ACAD11: variants seen among roughly 807,000 people sequenced by gnomAD.
ACAD11 encodes the protein acyl-CoA dehydrogenase family member 11.
Under a neutral mutation model 102.2 loss-of-function variants are expected in ACAD11, and 83 were observed. The observed-to-expected ratio is 0.81, with a 90% CI of 0.68 to 0.97. ACAD11 has a LOEUF of 0.97. ACAD11 is among the 50% of genes least tolerant of loss of function. ACAD11 has a pLI of 0.00. For synonymous variants in ACAD11, 324 were observed against 319.8 expected (o/e 1.01, Z -0.14); for missense variants, 901 against 951.7 (o/e 0.95, Z 0.70).
At chr3:132,573,632 T>C (rs1035875940) in intron 17 of ACAD11, among the ~76,000 whole-genome samples, 5 of 152,302 alleles carry the variant, frequency 3.3e-5, no homozygotes, top group African/African-American at 4.8e-5. Flanking sequence ...TAAATATTTT[T>C]TGATGGCTGT....
intron 9 of ACAD11, among the ~76,000 whole-genome samples, chr3:132,623,892 T>C (rs1939700142): frequency 6.6e-6 from 1 of 152,304 alleles, no homozygotes; most frequent in East Asian, 1.9e-4. Flanking sequence ...TTGCAAGTAC[T>C]AGCATGCTAT....
At chr3:132,620,580 A>C (rs989649081) in intron 9 of ACAD11, among the ~76,000 whole-genome samples, 1 of 152,226 alleles carries the variant, frequency 6.6e-6, no homozygotes, top group Non-Finnish European at 1.5e-5. Flanking sequence ...CTATAAATAG[A>C]GTAATGATCA....
chr3:132,610,867 A>G (rs911311881), intron 11 of ACAD11, among the ~76,000 whole-genome samples: 3 of 152,190 alleles, frequency 2.0e-5, no homozygotes, highest in Non-Finnish European at 4.4e-5. Context: ...TCCCTAACTC[A>G]TTTTATGAGG....
chr3:132,570,310 A>G (rs1278696750), intron 17 of ACAD11, among the ~76,000 whole-genome samples: 3 of 152,146 alleles, frequency 2.0e-5, no homozygotes, highest in Non-Finnish European at 2.9e-5. Flanking sequence ...GGTTACTGTT[A>G]AGCTAAACAC....
intron 17 of ACAD11, among the ~76,000 whole-genome samples, chr3:132,562,130 A>C (rs1485858148): frequency 6.6e-6 from 1 of 152,190 alleles, no homozygotes; most frequent in Admixed American, 6.6e-5. Flanking sequence ...TTTTTGAGAC[A>C]GACTGGCTCT....
At chr3:132,578,946 C>T (rs1437455931) in intron 14 of ACAD11, 65 bp from the exon 15 acceptor site, 11 of 1,600,428 alleles carry the variant, frequency 6.9e-6, no homozygotes, top group Non-Finnish European at 9.4e-6. Context: ...AGATAATAAG[C>T]AGAATCACAA....
chr3:132,600,806 A>G (rs1241380436), intron 13 of ACAD11: 13 of 1,614,048 alleles, frequency 8.1e-6, no homozygotes, highest in Admixed American at 1.7e-5. Context: ...CAGCATAGAC[A>G]GATATGTGGC....
intron 11 of ACAD11, among the ~76,000 whole-genome samples, chr3:132,609,498 A>G (rs1320204580): frequency 1.3e-5 from 2 of 152,202 alleles, no homozygotes; most frequent in Admixed American, 6.5e-5. Flanking sequence ...AGAATACTAT[A>G]AACACCCTAT....
At chr3:132,657,367 A>G (rs1937864620) in intron 1 of ACAD11, among the ~76,000 whole-genome samples, 1 of 152,054 alleles carries the variant, frequency 6.6e-6, no homozygotes, top group Non-Finnish European at 1.5e-5. Flanking sequence ...TACCATCTTA[A>G]CTCAAATTTC....
intron 1 of ACAD11, among the ~76,000 whole-genome samples, chr3:132,656,821 G>T (rs1379322881): frequency 3.3e-5 from 5 of 151,482 alleles, no homozygotes; most frequent in Non-Finnish European, 5.9e-5. Flanking sequence ...AGTCAATTTG[G>T]TGGTGTGAAA....
intron 17 of ACAD11, among the ~76,000 whole-genome samples, chr3:132,563,011 T>A (rs1160206346): frequency 6.6e-6 from 1 of 152,246 alleles, no homozygotes; most frequent in Non-Finnish European, 1.5e-5. Flanking sequence ...GTGAGGTGTG[T>A]GGTTTAGATC....
chr3:132,634,889 A>C (rs1940211123), intron 5 of ACAD11, among the ~76,000 whole-genome samples: 1 of 115,592 alleles, frequency 8.7e-6, no homozygotes, highest in African/African-American at 3.3e-5. Context: ...GGAACATCAC[A>C]CACTGGGGCC....
At position 132,631,354 on chromosome 3, in the gene ACAD11, A is replaced by G. The variant is rs755053337; in HGVS notation, c.828T>C (p.Tyr276=). The G allele has an allele frequency of 4.0e-6, 6 of 1,484,780 alleles. No individual in the cohort carries two copies. The highest frequency in any genetic ancestry group is 2.5e-5 in the East Asian group (1 of 39,866). 92.0% of individuals were successfully genotyped at this position (1,484,780 alleles called of 1,614,324 possible). ...RTVPMINQGS[Y]SENSGIPSME... ...ATGTTTTTATACCTGAGTTTTCACT[A>G]TAAGAACCTTGATTTATCATTGGAA... Residue 276 remains tyrosine (Y), a synonymous_variant, in exon 6 of 20, where the codon TAT becomes TAC. Coordinates refer to ENST00000264990, the MANE Select transcript of ACAD11 (RefSeq NM_032169.5).
At chr3:132,624,859 T>A (rs573724608) in intron 9 of ACAD11, among the ~76,000 whole-genome samples, 1 of 151,812 alleles carries the variant, frequency 6.6e-6, no homozygotes, top group African/African-American at 2.4e-5. Flanking sequence ...AATTTTTGTA[T>A]TTTTAGTAGA....
intron 13 of ACAD11, among the ~76,000 whole-genome samples, chr3:132,580,200 G>A (rs1470202372): frequency 3.9e-5 from 6 of 151,968 alleles, no homozygotes; most frequent in Non-Finnish European, 8.8e-5. Context: ...CAAATGATCG[G>A]ATTCTTTTTT....
rs1936956752 is a variant in ACAD11 at position 132,558,781 on chromosome 3, GAACTT to G, written c.*185_*189del. The G allele has an allele frequency of 1.1e-5, 6 of 535,420 alleles. No homozygotes were observed. The highest frequency in any genetic ancestry group is 1.6e-5 in the Non-Finnish European group (5 of 307,566). 33.2% of individuals were successfully genotyped at this position (535,420 alleles called of 1,614,324 possible). On this transcript the variant is annotated 3_prime_UTR_variant, in exon 20 of 20. Coordinates refer to ENST00000264990, the MANE Select transcript of ACAD11 (RefSeq NM_032169.5). ...GACAACAGCTACAGCATTTCTTACT[GAACTT>G]AACCCTGTGTGACCCTTGAAATAAT...
chr3:132,563,964 A>T (rs1937140992), intron 17 of ACAD11, among the ~76,000 whole-genome samples: 1 of 152,196 alleles, frequency 6.6e-6, no homozygotes, highest in South Asian at 2.1e-4. Flanking sequence ...CAGTTTGCTG[A>T]AAGTTTCTAT....
chr3:132,649,112 C>G (rs963891036), intron 1 of ACAD11, among the ~76,000 whole-genome samples: 28 of 152,374 alleles, frequency 1.8e-4, no homozygotes, highest in African/African-American at 6.0e-4. Flanking sequence ...GGACCTCTGC[C>G]CTGGAAAGCC....
At chr3:132,609,868 G>A (rs1450126171) in intron 11 of ACAD11, among the ~76,000 whole-genome samples, 1 of 152,036 alleles carries the variant, frequency 6.6e-6, no homozygotes. Flanking sequence ...ACATCGAAGT[G>A]AAAATCCTCA....
Sources: gnomAD v4.1 joint callset for allele counts (sites outside exome capture counted in the v4.1 genomes callset) on GRCh38, gnomAD v4.1.1 for gene constraint, MANE v1.5 for transcripts, NCBI Gene and HGNC (gene_info 2026-07-23, HGNC 2026-07-21) for gene names.